Variants in TPX2 observed in about 807,000 individuals in gnomAD.
The protein encoded by TPX2 is targeting protein for Xklp2.
TPX2 carries 21 observed loss-of-function variants against 93.6 expected under a neutral mutation model. The observed-to-expected ratio is 0.22, with a 90% CI of 0.16 to 0.32. TPX2 has a LOEUF of 0.32. Ranked by LOEUF, TPX2 falls within the 10% of genes least tolerant of loss-of-function variation. The probability of loss-of-function intolerance (pLI) is 1.00; values close to 1 mark genes in which losing one functional copy is unlikely to be tolerated. For synonymous variants in TPX2, 281 were observed against 298.3 expected, an observed-to-expected ratio of 0.94 and a Z score of 0.60; for missense variants, 776 against 871.1, an observed-to-expected ratio of 0.89 and a Z score of 1.37.
At position 31,793,913 on chromosome 20, in the gene TPX2, C is replaced by T. The variant is rs935410917; in HGVS notation, c.1575C>T (p.Pro525=). 1.2e-6 allele frequency: 2 copies of T among 1,613,656 alleles called. No individual in the cohort carries two copies. The highest frequency in any genetic ancestry group is 8.5e-7 in the Non-Finnish European group (1 of 1,179,810). Residue 525 remains proline, a synonymous_variant, in exon 14 of 18, where the codon CCC becomes CCT. Coordinates refer to ENST00000300403, the MANE Select transcript of TPX2 (RefSeq NM_012112.5). ...CACATTATGGGGTGCCTTTTAAGCC[C>T]CAAATCCCAGAGGCAAGAACTGTGG... ...PVPHYGVPFK[P]QIPEARTVEI...
chr20:31,763,933 C>T (rs577085236), intron 4 of TPX2, among the ~76,000 whole-genome samples: 4 of 151,386 alleles, frequency 2.6e-5, no homozygotes, highest in African/African-American at 4.9e-5. Context: ...GTAGGAGAAT[C>T]GCTGAAACCT....
chr20:31,752,910 G>GGCCGCTTAGATCTACTTT (rs1332657994), intron 2 of TPX2, among the ~76,000 whole-genome samples: 4 of 152,136 alleles, frequency 2.6e-5, no homozygotes, highest in African/African-American at 9.7e-5. Context: ...CACTGAGCCT[G>GGCCGCTTAGATCTACTTT]GCCGCTTAGA....
intron 4 of TPX2, 59 bp from the exon 5 acceptor site, chr20:31,766,497 C>A: frequency 8.0e-7 from 1 of 1,243,860 alleles, no homozygotes. Context: ...GTGTGTGTGT[C>A]TCATCTCCAA....
chr20:31,785,603 T>C (rs1469706852), intron 12 of TPX2, among the ~76,000 whole-genome samples: 1 of 152,110 alleles, frequency 6.6e-6, no homozygotes, highest in East Asian at 1.9e-4. Context: ...GTTTAAGCGA[T>C]TCTCCCACCT....
chr20:31,744,204 C>T (rs1368158434), intron 2 of TPX2, among the ~76,000 whole-genome samples: 50 of 147,008 alleles, frequency 3.4e-4, no homozygotes, highest in Admixed American at 8.1e-4. Context: ...CTCTGTCGCC[C>T]GGGTTGGAGT....
intron 6 of TPX2, 96 bp from the exon 7 acceptor site, chr20:31,771,464 G>T: frequency 6.8e-7 from 1 of 1,460,598 alleles, no homozygotes; most frequent in Non-Finnish European, 9.1e-7. Flanking sequence ...CCTATAGAAT[G>T]AGAAAATTTA....
Position 31,783,618 on chromosome 20 carries a change from C to G in TPX2, c.1197-87C>G, listed in dbSNP as rs866649238. On this transcript the variant is annotated intron_variant, in intron 11 of 17. Coordinates refer to ENST00000300403, the MANE Select transcript of TPX2 (RefSeq NM_012112.5). ...AATGGGAGCATAATCTTAATGATTACTATTCTTTGTGGTTGGCTTACTTTG... is the reference window on the plus strand; with the variant it reads ...AATGGGAGCATAATCTTAATGATTAGTATTCTTTGTGGTTGGCTTACTTTG... 33 of 1,249,504 alleles carry G rather than the reference C, an allele frequency of 2.6e-5. No homozygotes were observed. In the African/African-American group the frequency reaches 3.4e-4, roughly 13 times the overall value. 77.4% of individuals were successfully genotyped at this position (1,249,504 alleles called of 1,614,324 possible).
chr20:31,769,311 G>A (rs1172327209), intron 5 of TPX2, among the ~76,000 whole-genome samples: 1 of 141,114 alleles, frequency 7.1e-6, no homozygotes, highest in Non-Finnish European at 1.5e-5. Context: ...ATTATCTAAT[G>A]ATCACGCTTT....
chr20:31,773,860 G>A (rs2061979524), intron 7 of TPX2, among the ~76,000 whole-genome samples: 1 of 151,580 alleles, frequency 6.6e-6, no homozygotes, highest in Non-Finnish European at 1.5e-5. Flanking sequence ...TTTGTAGTGA[G>A]AACATTTGGA....
chr20:31,762,294 G>C (rs2061895111), intron 4 of TPX2, among the ~76,000 whole-genome samples: 1 of 152,070 alleles, frequency 6.6e-6, no homozygotes, highest in African/African-American at 2.4e-5. Flanking sequence ...CATGTTCATA[G>C]GATCTTTGCC....
At chr20:31,765,285 C>T (rs894622941) in intron 4 of TPX2, among the ~76,000 whole-genome samples, 1 of 149,316 alleles carries the variant, frequency 6.7e-6, no homozygotes, top group African/African-American at 2.5e-5. Context: ...TACTGAGACC[C>T]CCATCTCTAT....
chr20:31,743,512 C>T (rs763199551), intron 2 of TPX2, among the ~76,000 whole-genome samples: 23 of 151,806 alleles, frequency 1.5e-4, no homozygotes, highest in Non-Finnish European at 3.4e-4. Context: ...ATAGTGGCAC[C>T]GTGTCTCTAC....
chr20:31,793,739 T>C (rs2123089605), intron 13 of TPX2, 109 bp from the exon 14 acceptor site: 2 of 1,113,792 alleles, frequency 1.8e-6, no homozygotes, highest in East Asian at 2.5e-5. Flanking sequence ...CTTCCTTTAA[T>C]TTTGTTTTAA....
At chr20:31,745,179 A>G (rs1039836726) in intron 2 of TPX2, among the ~76,000 whole-genome samples, 1 of 152,262 alleles carries the variant, frequency 6.6e-6, no homozygotes, top group African/African-American at 2.4e-5. Flanking sequence ...TACCTAAAAC[A>G]GTATATATTC....
intron 2 of TPX2, among the ~76,000 whole-genome samples, chr20:31,748,815 T>A (rs1336099328): frequency 3.9e-5 from 6 of 152,228 alleles, no homozygotes; most frequent in African/African-American, 1.4e-4. Flanking sequence ...CTATTGTCTA[T>A]ATTGTTAATG....
intron 3 of TPX2, among the ~76,000 whole-genome samples, chr20:31,759,464 G>T (rs954194714): frequency 6.7e-6 from 1 of 149,048 alleles, no homozygotes; most frequent in Admixed American, 6.7e-5. Flanking sequence ...CAGTGGTGCG[G>T]TCTCAGCTTA....
At chr20:31,777,692 T>C (rs1014732018) in intron 9 of TPX2, 54 bp downstream of exon 9, 1 of 1,573,534 alleles carries the variant, frequency 6.4e-7, no homozygotes, top group African/African-American at 1.3e-5. Flanking sequence ...TTTAGGATTT[T>C]ACGTGTAGCA....
At chr20:31,797,773 A>G (rs941816996) in intron 16 of TPX2, among the ~76,000 whole-genome samples, 29 of 152,218 alleles carry the variant, frequency 1.9e-4, no homozygotes, top group Non-Finnish European at 5.9e-5. Context: ...CAACAATGAT[A>G]GGTTTTCCCC....
intron 4 of TPX2, among the ~76,000 whole-genome samples, chr20:31,764,741 C>T (rs2061913712): frequency 6.6e-6 from 1 of 152,116 alleles, no homozygotes; most frequent in African/African-American, 2.4e-5. Flanking sequence ...GTGTGAGTCT[C>T]TCTGCCCCAA....
Sources: gnomAD v4.1 joint callset for allele counts (sites outside exome capture counted in the v4.1 genomes callset) on GRCh38, gnomAD v4.1.1 for gene constraint, MANE v1.5 for transcripts, NCBI Gene and HGNC (gene_info 2026-07-23, HGNC 2026-07-21) for gene names.